The following CTCF variants were observed in gnomAD, a reference collection of about 807,000 sequenced individuals.
CTCF encodes CCCTC-binding factor.
A neutral mutation model predicts 72.3 loss-of-function variants in CTCF; 7 were observed. The ratio of observed to expected loss-of-function variants is 0.10; its 90% CI spans 0.06 to 0.18. The LOEUF (loss-of-function observed/expected upper bound fraction) is 0.18, where lower values mean the gene tolerates loss of function less well. CTCF is among the 10% of genes least tolerant of loss of function. The probability of loss-of-function intolerance (pLI) is 1.00; values close to 1 mark genes in which losing one functional copy is unlikely to be tolerated. For missense variants in CTCF, 516 were observed against 949.1 expected (o/e 0.54, Z 6.00); for synonymous variants, 374 against 315.8 (o/e 1.18, Z -1.95).
At chr16:67,597,133 C>T (rs1597700577) in intron 2 of CTCF, among the ~76,000 whole-genome samples, 1 of 152,248 alleles carries the variant, frequency 6.6e-6, no homozygotes, top group East Asian at 1.9e-4. Context: ...TCCCCAGGTT[C>T]AGGAGATCCT....
At chr16:67,609,191 C>A (rs540217500) in intron 2 of CTCF, among the ~76,000 whole-genome samples, 5 of 152,244 alleles carry the variant, frequency 3.3e-5, no homozygotes, top group South Asian at 2.1e-4. Flanking sequence ...TGTGGCAAGA[C>A]CCCATAATTG....
At chr16:67,574,356 A>T (rs953061584) in intron 2 of CTCF, among the ~76,000 whole-genome samples, 1 of 151,952 alleles carries the variant, frequency 6.6e-6, no homozygotes, top group Non-Finnish European at 1.5e-5. Flanking sequence ...TTATTTATTT[A>T]TTTTTGAGAC....
intron 2 of CTCF, among the ~76,000 whole-genome samples, chr16:67,592,951 T>TG (rs1178144236): frequency 1.4e-5 from 2 of 144,908 alleles, no homozygotes; most frequent in East Asian, 2.1e-4. Context: ...CGGTTGAACC[T>TG]GGAGGCAGGG....
Position 67,636,821 on chromosome 16 carries a change from G to C in CTCF, c.1969G>C (p.Gly657Arg). The change falls in exon 11 of 12, where the codon GGC becomes CGC. Residue 657 changes from glycine to arginine, a missense_variant. Physicochemically the swap from Gly to Arg is moderately radical, Grantham distance 125. Coordinates refer to ENST00000264010, the MANE Select transcript of CTCF (RefSeq NM_006565.4). ...CAAGAAGCGGAGAGGACGACCCCCTGGCAGAACCAACCAGCCCAAACAGAA... is the reference window on the plus strand; with the variant it reads ...CAAGAAGCGGAGAGGACGACCCCCTCGCAGAACCAACCAGCCCAAACAGAA... ...PAKKRRGRPP[G>R]RTNQPKQNQP... The C allele has an allele frequency of 1.9e-6, 3 of 1,597,326 alleles. No individual in the cohort carries two copies. The highest frequency in any genetic ancestry group is 1.7e-6 in the Non-Finnish European group (2 of 1,171,502).
intron 7 of CTCF, among the ~76,000 whole-genome samples, chr16:67,624,684 G>T (rs1235547951): frequency 6.6e-6 from 1 of 151,362 alleles, no homozygotes; most frequent in East Asian, 1.9e-4. Flanking sequence ...CATCGACCAG[G>T]CTCAAGGAAT....
chr16:67,585,431 A>G (rs1054760648), intron 2 of CTCF, among the ~76,000 whole-genome samples: 4 of 152,250 alleles, frequency 2.6e-5, no homozygotes, highest in Non-Finnish European at 5.9e-5. Flanking sequence ...CACATGTGCA[A>G]TGATGCATTA....
chr16:67,564,815 A>G (rs1003736750), intron 1 of CTCF, among the ~76,000 whole-genome samples: 23 of 152,282 alleles, frequency 1.5e-4, no homozygotes, highest in Non-Finnish European at 2.2e-4. Context: ...TGGTTGTTTC[A>G]TATGCAGTCA....
At chr16:67,593,830 C>A (rs1376324090) in intron 2 of CTCF, among the ~76,000 whole-genome samples, 1 of 152,146 alleles carries the variant, frequency 6.6e-6, no homozygotes, top group African/African-American at 2.4e-5. Context: ...TCATTCTCTT[C>A]TACTGTCTTA....
chr16:67,588,531 A>G (rs550011708), intron 2 of CTCF, among the ~76,000 whole-genome samples: 202 of 152,230 alleles, frequency 1.3e-3, no homozygotes, highest in Non-Finnish European at 2.4e-3. Flanking sequence ...CATTTGGGCT[A>G]TGGAGAGCAG....
At chr16:67,589,149 G>A (rs571612903) in intron 2 of CTCF, among the ~76,000 whole-genome samples, 1 of 152,148 alleles carries the variant, frequency 6.6e-6, no homozygotes, top group Non-Finnish European at 1.5e-5. Flanking sequence ...TAATAAAATA[G>A]TAGGGTGCAG....
At chr16:67,597,822 T>C (rs1346861744) in intron 2 of CTCF, among the ~76,000 whole-genome samples, 4 of 152,222 alleles carry the variant, frequency 2.6e-5, no homozygotes, top group African/African-American at 9.6e-5. Context: ...CTCTTCTGTT[T>C]AAATTGTCTG....
At chr16:67,582,769 G>T (rs1347874997) in intron 2 of CTCF, among the ~76,000 whole-genome samples, 4 of 151,944 alleles carry the variant, frequency 2.6e-5, no homozygotes, top group Non-Finnish European at 5.9e-5. Flanking sequence ...CATAGACTTT[G>T]AGATTTTTTT....
At chr16:67,563,509 G>C (rs552580064) in intron 1 of CTCF, 1 of 152,104 alleles carries the variant, frequency 6.6e-6, no homozygotes, top group Admixed American at 6.5e-5. Flanking sequence ...GGGGACGCGC[G>C]CTCGCCGCCC....
intron 2 of CTCF, among the ~76,000 whole-genome samples, chr16:67,606,267 G>GAAT (rs2051971518): frequency 6.6e-6 from 1 of 152,112 alleles, no homozygotes; most frequent in African/African-American, 2.4e-5. Flanking sequence ...TTCCCCTACA[G>GAAT]AATACATCCT....
At chr16:67,594,229 A>G (rs778691469) in intron 2 of CTCF, among the ~76,000 whole-genome samples, 5 of 151,968 alleles carry the variant, frequency 3.3e-5, no homozygotes, top group Admixed American at 1.3e-4. Flanking sequence ...TCTCTGTAAA[A>G]TAAAATGAAC....
chr16:67,588,967 A>G (rs1001252294), intron 2 of CTCF, among the ~76,000 whole-genome samples: 18 of 152,150 alleles, frequency 1.2e-4, no homozygotes, highest in Admixed American at 9.8e-4. Flanking sequence ...CTGGGATTAC[A>G]GGCGTGAGCC....
intron 2 of CTCF, among the ~76,000 whole-genome samples, chr16:67,580,669 C>A (rs1159210171): frequency 6.6e-6 from 1 of 151,798 alleles, no homozygotes; most frequent in African/African-American, 2.4e-5. Context: ...TCAAGTGATT[C>A]TCCTGCCTCG....
chr16:67,635,415 C>G (rs547355031), intron 10 of CTCF: 2 of 152,348 alleles, frequency 1.3e-5, no homozygotes, highest in South Asian at 2.1e-4. Flanking sequence ...AGCTGCCCAC[C>G]TTGCCCTCCC....
At chr16:67,579,022 A>G (rs982217016) in intron 2 of CTCF, among the ~76,000 whole-genome samples, 2 of 151,948 alleles carry the variant, frequency 1.3e-5, no homozygotes, top group South Asian at 2.1e-4. Context: ...TGGGAGGCCA[A>G]GGTGCGTGGA....
Sources: allele counts gnomAD v4.1 joint callset (sites outside exome capture counted in the v4.1 genomes callset), GRCh38; gene constraint gnomAD v4.1.1; transcripts MANE v1.5; gene names NCBI Gene and HGNC (gene_info 2026-07-23, HGNC 2026-07-21).